PHIP: variants seen among roughly 807,000 people sequenced by gnomAD.
PHIP encodes PH-interacting protein.
Under a neutral mutation model 236.8 loss-of-function variants are expected in PHIP, and 54 were observed. The ratio of observed to expected loss-of-function variants is 0.23; its 90% confidence interval spans 0.18 to 0.29. PHIP has a LOEUF of 0.29. Among genes scored for constraint, PHIP ranks in the 10% least tolerant of loss-of-function variants. The pLI is 1.00. For missense variants in PHIP, 1,370 were observed against 2,190.8 expected (o/e 0.63, Z 7.48); for synonymous variants, 756 against 718.9 (o/e 1.05, Z -0.83).
At chr6:78,970,696 G>T in intron 25 of PHIP, 85 bp downstream of exon 25, 1 of 817,784 alleles carries the variant, frequency 1.2e-6, no homozygotes, top group Non-Finnish European at 2.0e-6. Flanking sequence ...GTTTCTTATT[G>T]TGTTAATAGT....
At chr6:79,067,276 T>C (rs912547055) in intron 4 of PHIP, among the ~76,000 whole-genome samples, 1 of 152,196 alleles carries the variant, frequency 6.6e-6, no homozygotes, top group Admixed American at 6.5e-5. Flanking sequence ...TGCCATCCCA[T>C]TGAGATTCAC....
chr6:79,077,773 C>T (rs1582336452), intron 2 of PHIP, 44 bp from the exon 3 acceptor site: 5 of 977,952 alleles, frequency 5.1e-6, no homozygotes, highest in Non-Finnish European at 4.8e-6. Context: ...CGCCCCGGGC[C>T]GCGGCCCCGC....
At chr6:78,969,719 C>T (rs753461874) in intron 27 of PHIP, 116 bp downstream of exon 27, 1 of 543,384 alleles carries the variant, frequency 1.8e-6, no homozygotes, top group Non-Finnish European at 3.2e-6. Flanking sequence ...AACATTCCTA[C>T]AAATAGCAAA....
At chr6:79,059,861 A>T (rs1186972849) in intron 6 of PHIP, among the ~76,000 whole-genome samples, 1 of 151,850 alleles carries the variant, frequency 6.6e-6, no homozygotes, top group East Asian at 1.9e-4. Context: ...TACTATCTTC[A>T]GCAGAAGAGT....
intron 6 of PHIP, among the ~76,000 whole-genome samples, chr6:79,046,233 T>C (rs772914881): frequency 3.2e-4 from 49 of 152,176 alleles, no homozygotes; most frequent in Non-Finnish European, 1.0e-4. Context: ...TCCCTCTTCA[T>C]GAAGTCTTTT....
chr6:78,943,211 A>C (rs954090396), intron 39 of PHIP, among the ~76,000 whole-genome samples: 7 of 152,154 alleles, frequency 4.6e-5, no homozygotes, highest in Non-Finnish European at 8.8e-5. Context: ...ATTCCACTAG[A>C]CAACACTGCT....
chr6:78,945,232 G>T, intron 39 of PHIP, 68 bp downstream of exon 39: 1 of 1,182,506 alleles, frequency 8.5e-7, no homozygotes, highest in Non-Finnish European at 1.3e-6. Context: ...TATAAATGCT[G>T]ATTCCAACAA....
intron 15 of PHIP, among the ~76,000 whole-genome samples, chr6:79,012,113 C>CA (rs1298522994): frequency 2.0e-5 from 3 of 151,512 alleles, no homozygotes; most frequent in Non-Finnish European, 4.4e-5. Context: ...CATAATTACA[C>CA]AAAAAATGCA....
chr6:79,062,580 GT>G (rs1288086115), intron 4 of PHIP, among the ~76,000 whole-genome samples: 9 of 152,102 alleles, frequency 5.9e-5, no homozygotes, highest in Non-Finnish European at 1.2e-4. Flanking sequence ...TGATGATCCT[GT>G]TTTAGTATCC....
At chr6:78,993,549 A>C (rs931305586) in intron 19 of PHIP, among the ~76,000 whole-genome samples, 1 of 152,230 alleles carries the variant, frequency 6.6e-6, no homozygotes, top group African/African-American at 2.4e-5. Flanking sequence ...CAAAAATCCT[A>C]GGGCACTTAA....
intron 29 of PHIP, among the ~76,000 whole-genome samples, chr6:78,963,845 G>A (rs1409708948): frequency 6.6e-6 from 1 of 152,144 alleles, no homozygotes; most frequent in African/African-American, 2.4e-5. Context: ...TTTAGACTAA[G>A]TTTTGGCAGA....
Position 78,946,066 on chromosome 6 carries a change from G to C in PHIP, c.4565C>G (p.Ser1522Cys). ...VVDPVVTEQPSTSSAAKTFIT... is the reference protein window; with the variant it reads ...VVDPVVTEQPCTSSAAKTFIT... ...AAAAGTCTTTGCAGCTGAAGAAGTA[G>C]ATGGTTGCTCAGTGACAACTGGATC... is the stretch of plus-strand genomic sequence containing the variant. Residue 1522 changes from serine to cysteine, a missense_variant, in exon 38 of 40, where the codon TCT (serine) becomes TGT (cysteine). Around this residue, in one of 14 missense-constraint regions of PHIP, gnomAD observed 309 missense variants for 328.3 expected, o/e 0.94. Coordinates refer to ENST00000275034, the MANE Select transcript of PHIP (RefSeq NM_017934.7). 1.9e-6 allele frequency: 3 copies of C among 1,612,490 alleles called. No homozygotes were observed. Among genetic ancestry groups the C allele is most frequent in the Non-Finnish European group, 1.7e-6 (2 of 1,178,528 alleles).
intron 7 of PHIP, among the ~76,000 whole-genome samples, chr6:79,036,853 G>A (rs1306581500): frequency 1.3e-5 from 2 of 148,828 alleles, no homozygotes; most frequent in Non-Finnish European, 3.0e-5. Context: ...CCTGGGAGGT[G>A]GAGCTTGCAA....
chr6:79,074,704 G>C (rs9343869), intron 4 of PHIP, among the ~76,000 whole-genome samples: 39,997 of 151,856 alleles, frequency 0.26, 5,605 homozygotes, highest in Non-Finnish European at 0.31. Context: ...CATAAGATAC[G>C]ACCATTTCCT....
At chr6:78,973,007 G>A (rs551866739) in intron 24 of PHIP, among the ~76,000 whole-genome samples, 1 of 152,058 alleles carries the variant, frequency 6.6e-6, no homozygotes, top group Non-Finnish European at 1.5e-5. Flanking sequence ...CCAACGTTGA[G>A]ATTCAGGAAA....
At chr6:79,072,114 GAC>G (rs934783231) in intron 4 of PHIP, among the ~76,000 whole-genome samples, 5 of 152,126 alleles carry the variant, frequency 3.3e-5, no homozygotes, top group Non-Finnish European at 1.5e-5. Flanking sequence ...TCTCTTCTCT[GAC>G]AGTTTCCAAA....
chr6:78,944,170 GT>G (rs929872539), intron 39 of PHIP, among the ~76,000 whole-genome samples: 1 of 152,048 alleles, frequency 6.6e-6, no homozygotes, highest in African/African-American at 2.4e-5. Flanking sequence ...GAACTTCTAA[GT>G]GTTTAGGATG....
At chr6:79,006,725 T>TC (rs1221102258) in intron 15 of PHIP, among the ~76,000 whole-genome samples, 6 of 151,984 alleles carry the variant, frequency 3.9e-5, no homozygotes, top group African/African-American at 1.4e-4. Flanking sequence ...AGAGTGAAAC[T>TC]AATAAGTAAT....
rs762027710 is a variant in PHIP at position 78,941,229 on chromosome 6, T to C, written c.4930A>G (p.Lys1644Glu). Residue 1644 changes from lysine (K) to glutamate (E), a missense_variant, in exon 40 of 40, where the codon AAA becomes GAA. Around this residue, in one of 14 missense-constraint regions of PHIP, gnomAD observed 309 missense variants for 328.3 expected, o/e 0.94. Coordinates refer to ENST00000275034, the MANE Select transcript of PHIP (RefSeq NM_017934.7). ...CCACTATTGGTATTAACTTCTACTT[T>C]AGGTTTCCTTCCAGGTCCCCTCTTC... is the stretch of plus-strand genomic sequence containing the variant. ...LVKRGPGRKP[K>E]VEVNTNSGEI... The C allele has an allele frequency of 1.2e-6, 2 of 1,613,962 alleles. No homozygotes were observed. Among genetic ancestry groups the C allele is most frequent in the South Asian group, 1.1e-5 (1 of 91,074 alleles).
Sources: allele counts gnomAD v4.1 joint callset (sites outside exome capture counted in the v4.1 genomes callset), GRCh38; gene constraint gnomAD v4.1.1; regional missense constraint gnomAD v4.1.1; transcripts MANE v1.5; gene names NCBI Gene and HGNC (gene_info 2026-07-23, HGNC 2026-07-21).